Variants in SLC25A43 observed in about 807,000 individuals in gnomAD.
SLC25A43 encodes the protein solute carrier family 25, member 43.
A neutral mutation model predicts 22.8 loss-of-function variants in SLC25A43; 10 were observed. That is an observed-to-expected ratio of 0.44 (90% confidence interval 0.27 to 0.74). The LOEUF is 0.74. Ranked by LOEUF, SLC25A43 falls within the 30% of genes least tolerant of loss-of-function variation. The pLI is 0.17. For synonymous variants in SLC25A43, 106 were observed against 121.6 expected (o/e 0.87, Z 0.84); for missense variants, 233 against 279.1 (o/e 0.83, Z 1.18).
Position 119,454,144 on chromosome X carries a change from G to C in SLC25A43, c.*1079G>C, listed in dbSNP as rs1569379810. ...CTCTGAAAATAAGTTATTTAGTCAAGTTATTCTCAAAGATGTCCCAGTTGC... is the reference window on the plus strand; with the variant it reads ...CTCTGAAAATAAGTTATTTAGTCAACTTATTCTCAAAGATGTCCCAGTTGC... On this transcript the variant is annotated 3_prime_UTR_variant, in exon 5 of 5. Transcript: ENST00000217909. 8.9e-6 allele frequency: 1 copy of C among 112,012 alleles called. No homozygotes were observed. Among genetic ancestry groups the C allele is most frequent in the Non-Finnish European group, 1.9e-5 (1 of 53,181 alleles). 9.2% of individuals were successfully genotyped at this position (112,012 alleles called of 1,213,427 possible).
intron 3 of SLC25A43, 99 bp from the exon 4 acceptor site, chrX:119,451,910 C>A: frequency 8.4e-7 from 1 of 1,185,858 alleles, no homozygotes; most frequent in South Asian, 1.9e-5. Context: ...GCCAGGAACC[C>A]AGCATCCAGA....
chrX:119,425,977 G>C (rs1448487312), intron 3 of SLC25A43, among the ~76,000 whole-genome samples: 1 of 111,347 alleles, frequency 9.0e-6, no homozygotes, highest in East Asian at 2.8e-4. Context: ...TGCTGAGCAG[G>C]CTTCTTTGAA....
intron 3 of SLC25A43, chrX:119,423,592 G>C (rs1451378960): frequency 1.8e-5 from 2 of 111,335 alleles, no homozygotes; most frequent in Non-Finnish European, 3.8e-5. Flanking sequence ...GTTGCTTTCT[G>C]TAAATGTGAC....
At position 119,399,558 on chromosome X, in the gene SLC25A43, C is replaced by G; in HGVS notation, c.155C>G (p.Pro52Arg). Residue 52 changes from proline to arginine, a missense_variant, in exon 1 of 5, where the codon CCG becomes CGG. Pro to Arg is a moderately radical substitution (Grantham distance 103). Transcript: ENST00000217909. The stretch of plus-strand genomic sequence containing the variant: ...GTCGTGCGAGGCCACGCCCGGGGAC[C>G]GTGGGCCACAGGGCACCGGGTGTGG... Reference protein sequence around the residue: ...VGVVRGHARGPWATGHRVWRA... With the variant: ...VGVVRGHARGRWATGHRVWRA... 9.4e-7 allele frequency: 1 copy of G among 1,060,706 alleles called. No individual in the cohort carries two copies. 87.4% of individuals were successfully genotyped at this position (1,060,706 alleles called of 1,213,427 possible).
At position 119,433,330 on chromosome X, in the gene SLC25A43, G is replaced by A. The variant is rs567658107; in HGVS notation, c.691-18679G>A. 9.0e-5 allele frequency among the ~76,000 whole-genome samples: 10 copies of A among 111,340 alleles called. 1 individual carries two copies. The highest frequency in any genetic ancestry group is 6.7e-4 in the Admixed American group (7 of 10,397). On this transcript the variant is annotated intron_variant, in intron 3 of 4. Coordinates refer to ENST00000217909, the MANE Select transcript of SLC25A43 (RefSeq NM_145305.3). ...TTAAGGCCCTCACTGATTGGAGGAG[G>A]CCCACTCACATTATGGACAGGAATT... is the stretch of plus-strand genomic sequence containing the variant.
At position 119,446,020 on chromosome X, in the gene SLC25A43, G is replaced by C. The variant is rs34509778; in HGVS notation, c.691-5989G>C. Among the ~76,000 whole-genome samples, 1,075 of 108,966 alleles carry C rather than the reference G, an allele frequency of 9.9e-3. 15 individuals carry two copies. Among genetic ancestry groups the C allele is most frequent in the African/African-American group, 0.034 (1,008 of 29,988 alleles). 94.6% of individuals were successfully genotyped at this position (108,966 alleles called of 115,157 possible). ...GTACAAAAATTAGCTGGGTGTGGTG[G>C]CATGCACCTGCAATCCCAGCTACTC... On this transcript the variant is annotated intron_variant, in intron 3 of 4. Transcript: ENST00000217909.
chrX:119,418,995 T>C (rs1469421246), intron 3 of SLC25A43, among the ~76,000 whole-genome samples: 2 of 112,323 alleles, frequency 1.8e-5, no homozygotes, highest in South Asian at 3.6e-4. Flanking sequence ...GGTAAAATAT[T>C]GACAGAGATG....
intron 3 of SLC25A43, among the ~76,000 whole-genome samples, chrX:119,443,449 T>TC (rs371125278): frequency 1.1e-3 from 9 of 8,362 alleles, no homozygotes; most frequent in African/African-American, 4.0e-3. Context: ...TCTCTCTCTC[T>TC]TTTTTTTTTT....
intron 3 of SLC25A43, among the ~76,000 whole-genome samples, chrX:119,442,744 T>C (rs1332384947): frequency 8.9e-6 from 1 of 112,449 alleles, no homozygotes; most frequent in Non-Finnish European, 1.9e-5. Flanking sequence ...AAGAGAGAAA[T>C]GAAATGAATT....
chrX:119,399,722 G>T, intron 1 of SLC25A43, 44 bp downstream of exon 1: 1 of 977,258 alleles, frequency 1.0e-6, no homozygotes. Flanking sequence ...CCGGACGGGG[G>T]TGGGGTGGGG....
chrX:119,444,717 AAAG>A (rs2052650732), intron 3 of SLC25A43, among the ~76,000 whole-genome samples: 2 of 103,489 alleles, frequency 1.9e-5, no homozygotes, highest in African/African-American at 3.6e-5. Flanking sequence ...AAAAAAAAAA[AAAG>A]AAGAAATTGA....
chrX:119,429,675 G>A (rs894614973), intron 3 of SLC25A43, among the ~76,000 whole-genome samples: 4 of 111,795 alleles, frequency 3.6e-5, no homozygotes, highest in East Asian at 2.8e-4. Flanking sequence ...ACACATGAAC[G>A]AAATAATTAT....
chrX:119,404,041 C>T (rs868554623), intron 1 of SLC25A43, among the ~76,000 whole-genome samples: 1 of 106,495 alleles, frequency 9.4e-6, no homozygotes, highest in East Asian at 3.0e-4. Context: ...CTCTGTGACC[C>T]GGGCTGGAGT....
intron 3 of SLC25A43, among the ~76,000 whole-genome samples, chrX:119,432,940 C>CTCTA (rs1366581794): frequency 3.7e-5 from 4 of 108,131 alleles, no homozygotes; most frequent in Non-Finnish European, 7.6e-5. Flanking sequence ...GAATCCCCAT[C>CTCTA]TCTACTAAAA....
At chrX:119,420,517 A>G (rs1231467363) in intron 3 of SLC25A43, among the ~76,000 whole-genome samples, 1 of 110,353 alleles carries the variant, frequency 9.1e-6, no homozygotes, top group Non-Finnish European at 1.9e-5. Flanking sequence ...TATGTTGCCT[A>G]GGCTGGTCTC....
chrX:119,427,426 G>A (rs971575491), intron 3 of SLC25A43, among the ~76,000 whole-genome samples: 1 of 112,244 alleles, frequency 8.9e-6, no homozygotes, highest in Admixed American at 9.5e-5. Flanking sequence ...ATCAAGGGGA[G>A]CTTGTAGGCT....
At chrX:119,450,105 G>A (rs1478274449) in intron 3 of SLC25A43, among the ~76,000 whole-genome samples, 1 of 111,861 alleles carries the variant, frequency 8.9e-6, no homozygotes, top group Non-Finnish European at 1.9e-5. Flanking sequence ...TAGGTGCTTG[G>A]TTTTGGAGGT....
rs954081324 is a variant in SLC25A43 at position 119,452,952 on chromosome X, C to T, written c.913C>T (p.Leu305=). 8.3e-7 allele frequency: 1 copy of T among 1,210,174 alleles called. No individual in the cohort carries two copies. The highest frequency in any genetic ancestry group is 1.7e-5 in the African/African-American group (1 of 57,866). ...TCAAAATGGTTACATTCTGTCTCCA[C>T]TGAGCTATAAATTGACCCCAGGAGT... is the stretch of plus-strand genomic sequence containing the variant. ...LYQNGYILSP[L]SYKLTPGVDQ... The change falls in exon 5 of 5, where the codon CTG becomes TTG. Residue 305 remains leucine, a synonymous_variant. Coordinates refer to ENST00000217909, the MANE Select transcript of SLC25A43 (RefSeq NM_145305.3).
intron 3 of SLC25A43, among the ~76,000 whole-genome samples, chrX:119,431,058 A>G (rs1428023785): frequency 8.9e-6 from 1 of 112,042 alleles, no homozygotes; most frequent in Non-Finnish European, 1.9e-5. Context: ...CTCTGAGTCA[A>G]ACAGACCCAG....
Sources: allele counts gnomAD v4.1 joint callset (sites outside exome capture counted in the v4.1 genomes callset), GRCh38; gene constraint gnomAD v4.1.1; transcripts MANE v1.5; gene names NCBI Gene and HGNC (gene_info 2026-07-23, HGNC 2026-07-21).